The following CARMIL1 variants were observed in gnomAD, a reference collection of about 807,000 sequenced individuals.
The protein encoded by CARMIL1 is F-actin-uncapping protein LRRC16A.
A neutral mutation model predicts 177.1 loss-of-function variants in CARMIL1; 90 were observed. That is an observed-to-expected ratio of 0.51 (90% CI 0.43 to 0.61). CARMIL1 has a LOEUF of 0.61. CARMIL1 is among the 20% of genes least tolerant of loss of function. The probability of loss-of-function intolerance (pLI) is 0.00; values close to 1 mark genes in which losing one functional copy is unlikely to be tolerated. For missense variants in CARMIL1, 1,380 were observed against 1,667.0 expected (o/e 0.83, Z 3.00); for synonymous variants, 577 against 606.2 (o/e 0.95, Z 0.71).
intron 31 of CARMIL1, among the ~76,000 whole-genome samples, chr6:25,584,281 C>T (rs1373446023): frequency 6.6e-6 from 1 of 150,452 alleles, no homozygotes; most frequent in Non-Finnish European, 1.5e-5. Flanking sequence ...CCTCAAGCTA[C>T]CCTCCTGCTT....
chr6:25,291,675 G>A (rs944594223), intron 2 of CARMIL1, among the ~76,000 whole-genome samples: 1 of 152,072 alleles, frequency 6.6e-6, no homozygotes, highest in Non-Finnish European at 1.5e-5. Context: ...AACCCATAAT[G>A]TAGTAATGTT....
chr6:25,562,459 G>T (rs1328331198), intron 29 of CARMIL1, among the ~76,000 whole-genome samples: 1 of 152,092 alleles, frequency 6.6e-6, no homozygotes, highest in Non-Finnish European at 1.5e-5. Context: ...ATCTTGGCCA[G>T]TCTGGTCTTG....
In CARMIL1 at chr6:25,420,560, C is replaced by T. The variant is rs562342121; in HGVS notation, c.189+396C>T. Reference sequence around the variant, plus strand: ...ATTCAAGTCTACTTCTTATTTCCTTCGGTGATCCGAAGTACTGGCAGATTT... The same window carrying T: ...ATTCAAGTCTACTTCTTATTTCCTTTGGTGATCCGAAGTACTGGCAGATTT... On this transcript the variant is annotated intron_variant, in intron 3 of 36. Transcript: ENST00000329474. Among the ~76,000 whole-genome samples the T allele has an allele frequency of 3.2e-3, 303 of 95,590 alleles. 1 individual carries two copies. Among genetic ancestry groups the T allele is most frequent in the Middle Eastern group, 0.022 (4 of 180 alleles). 62.7% of individuals were successfully genotyped at this position (95,590 alleles called of 152,430 possible).
intron 20 of CARMIL1, among the ~76,000 whole-genome samples, chr6:25,512,515 G>A (rs562270517): frequency 1.3e-5 from 2 of 152,204 alleles, no homozygotes; most frequent in Admixed American, 1.3e-4. Flanking sequence ...GTCTTGTGAT[G>A]ATAAAAATTT....
chr6:25,450,614 A>G (rs1798690431), intron 7 of CARMIL1, 24 bp from the exon 8 acceptor site: 3 of 1,395,742 alleles, frequency 2.1e-6, no homozygotes, highest in African/African-American at 1.4e-5. Context: ...GACTGATGAC[A>G]TGACTGAATT....
chr6:25,445,405 C>T lies in CARMIL1; in HGVS notation c.372-4493C>T, dbSNP rs150484507. 5.9e-3 allele frequency among the ~76,000 whole-genome samples: 898 copies of T among 152,236 alleles called. 5 individuals carry two copies. The highest frequency in any genetic ancestry group is 0.019 in the African/African-American group (793 of 41,538). On this transcript the variant is annotated intron_variant, in intron 5 of 36. Coordinates refer to ENST00000329474, the MANE Select transcript of CARMIL1 (RefSeq NM_017640.6). ...TGATGTTGATATTTTGACCTCTTCC[C>T]GTGAGTCATGAATGTTCTCAATGGC... is the stretch of plus-strand genomic sequence containing the variant.
intron 2 of CARMIL1, among the ~76,000 whole-genome samples, chr6:25,357,326 A>G (rs995553582): frequency 2.0e-5 from 3 of 152,238 alleles, no homozygotes; most frequent in Non-Finnish European, 4.4e-5. Flanking sequence ...TCATGCCTGT[A>G]AGCCCAGCAC....
At chr6:25,381,590 A>G (rs1791545089) in intron 2 of CARMIL1, among the ~76,000 whole-genome samples, 1 of 152,224 alleles carries the variant, frequency 6.6e-6, no homozygotes, top group Admixed American at 6.5e-5. Context: ...CACAGAACTC[A>G]CGAAGTCACT....
intron 2 of CARMIL1, among the ~76,000 whole-genome samples, chr6:25,333,211 T>C (rs1785874823): frequency 6.6e-6 from 1 of 152,170 alleles, no homozygotes; most frequent in African/African-American, 2.4e-5. Context: ...ACTTCTTTGG[T>C]CAAATAAATT....
chr6:25,502,092 A>G (rs1355018587), intron 17 of CARMIL1, among the ~76,000 whole-genome samples: 1 of 151,850 alleles, frequency 6.6e-6, no homozygotes, highest in East Asian at 1.9e-4. Context: ...CATTTATAAA[A>G]ACAGACTATA....
chr6:25,529,690 G>A (rs140694661), intron 24 of CARMIL1, among the ~76,000 whole-genome samples: 1,007 of 62,196 alleles, frequency 0.016, 12 homozygotes, highest in African/African-American at 0.049. Flanking sequence ...GGAGCTTGCC[G>A]TGAGCCGAGA....
rs751771788 is a variant in CARMIL1 at position 25,471,165 on chromosome 6, A to G, written c.691-4A>G. ...GAATAGTCAAAGAATGTTTTCTGTTACAGTCCACTGATGTCTGTGAACAGA... is the reference window on the plus strand; with the variant it reads ...GAATAGTCAAAGAATGTTTTCTGTTGCAGTCCACTGATGTCTGTGAACAGA... On this transcript the variant is annotated splice_region_variant and splice_polypyrimidine_tract_variant and intron_variant, in intron 9 of 36. Transcript: ENST00000329474. 22 of 1,587,066 alleles carry G rather than the reference A, an allele frequency of 1.4e-5. No homozygotes were observed. The highest frequency in any genetic ancestry group is 1.9e-5 in the Non-Finnish European group (22 of 1,162,470).
chr6:25,615,795 T>C (rs1327635829), intron 36 of CARMIL1, among the ~76,000 whole-genome samples: 1 of 152,270 alleles, frequency 6.6e-6, no homozygotes, highest in Non-Finnish European at 1.5e-5. Context: ...AAGGTCATCA[T>C]AGTGTTTTTC....
intron 2 of CARMIL1, among the ~76,000 whole-genome samples, chr6:25,360,583 C>T (rs776278143): frequency 2.0e-5 from 3 of 152,054 alleles, no homozygotes; most frequent in Non-Finnish European, 4.4e-5. Context: ...TTTTCTCTGT[C>T]ATGTTTTCTG....
intron 4 of CARMIL1, among the ~76,000 whole-genome samples, chr6:25,434,743 G>A (rs1349044364): frequency 6.6e-6 from 1 of 151,712 alleles, no homozygotes; most frequent in Non-Finnish European, 1.5e-5. Context: ...GTAGAGACAG[G>A]GTTTCACCAT....
intron 5 of CARMIL1, among the ~76,000 whole-genome samples, chr6:25,447,727 C>G (rs1009096520): frequency 6.6e-6 from 1 of 152,020 alleles, no homozygotes; most frequent in Non-Finnish European, 1.5e-5. Context: ...CAGCCCTCCC[C>G]CTCTGACTAC....
At chr6:25,439,890 G>A (rs1797578513) in intron 5 of CARMIL1, among the ~76,000 whole-genome samples, 1 of 152,058 alleles carries the variant, frequency 6.6e-6, no homozygotes, top group South Asian at 2.1e-4. Flanking sequence ...AATGAGGGGA[G>A]TGATCAGTAG....
chr6:25,428,749 A>G (rs1355055757), intron 4 of CARMIL1, among the ~76,000 whole-genome samples: 1 of 152,178 alleles, frequency 6.6e-6, no homozygotes, highest in Non-Finnish European at 1.5e-5. Context: ...CATATGTCTA[A>G]ATTCATTCCT....
intron 2 of CARMIL1, among the ~76,000 whole-genome samples, chr6:25,380,786 C>G (rs1381463112): frequency 6.6e-6 from 1 of 151,984 alleles, no homozygotes; most frequent in Non-Finnish European, 1.5e-5. Context: ...TTACAAATAA[C>G]TTAGACACGC....
Sources: gnomAD v4.1 joint callset for allele counts (sites outside exome capture counted in the v4.1 genomes callset) on GRCh38, gnomAD v4.1.1 for gene constraint, MANE v1.5 for transcripts, NCBI Gene and HGNC (gene_info 2026-07-23, HGNC 2026-07-21) for gene names.